Variants in MEX3B observed in about 807,000 individuals in gnomAD.
MEX3B encodes RNA-binding protein MEX3B.
MEX3B carries 10 observed loss-of-function variants against 12.2 expected under a neutral mutation model. The observed-to-expected ratio is 0.82, with a 90% CI of 0.51 to 1.40. The LOEUF is 1.40. MEX3B is among the 40% of genes most tolerant of loss of function. The probability of loss-of-function intolerance (pLI) is 0.00; values close to 1 mark genes in which losing one functional copy is unlikely to be tolerated. For missense variants in MEX3B, 839 were observed against 801.4 expected, an observed-to-expected ratio of 1.05 and a Z score of -0.57; for synonymous variants, 498 against 356.3, an observed-to-expected ratio of 1.40 and a Z score of -4.48.
Position 82,043,840 on chromosome 15 carries a change from C to A in MEX3B, c.1030G>T (p.Ala344Ser), listed in dbSNP as rs1444995567. The change falls in exon 2 of 2, where the codon GCG becomes TCG. Residue 344 changes from alanine to serine, a missense_variant. By Grantham distance (99) the Ala-to-Ser change is moderately conservative. Transcript: ENST00000329713. Reference sequence around the variant, plus strand: ...GATGGCACTGAGGCTTCTCCCCCCGCTGTGTAGGTGTACCCATTGCCGTTA... The same window carrying A: ...GATGGCACTGAGGCTTCTCCCCCCGATGTGTAGGTGTACCCATTGCCGTTA... ...NNNGNGYTYT[A>S]GGEASVPSPD... 6.3e-7 allele frequency: 1 copy of A among 1,592,588 alleles called. No individual in the cohort carries two copies. The highest frequency in any genetic ancestry group is 2.2e-5 in the East Asian group (1 of 44,708).
At position 82,044,635 on chromosome 15, in the gene MEX3B, A is replaced by G. The variant is rs1455086093; in HGVS notation, c.257-22T>C. 6.2e-7 allele frequency: 1 copy of G among 1,612,748 alleles called. No homozygotes were observed. ...CAACCTACGAACCAGGGTGCGGAGGAGGGAGTGGGAGAGAGAGACAGACAC... is the reference window on the plus strand; with the variant it reads ...CAACCTACGAACCAGGGTGCGGAGGGGGGAGTGGGAGAGAGAGACAGACAC... On this transcript the variant is annotated intron_variant, in intron 1 of 1. Transcript: ENST00000329713. The surrounding 1 kb of genome is among the most constrained non-coding windows in gnomAD (Gnocchi z 5.3).
rs776210416 is a variant in MEX3B, at chr15:82,043,443, T to C, written c.1427A>G (p.Asn476Ser). ...GGGLAYAAYA[N>S]GLGAQLPGLQ... ...GCCAGGCAGCTGTGCCCCCAGCCCG[T>C]TGGCATAAGCGGCGTAGGCCAGGCC... The change falls in exon 2 of 2, where the codon AAC becomes AGC. Residue 476 changes from asparagine to serine, a missense_variant. Around this residue, in one of 3 missense-constraint regions of MEX3B, gnomAD observed 573 missense variants for 488.9 expected, o/e 1.17. Coordinates refer to ENST00000329713, the MANE Select transcript of MEX3B (RefSeq NM_032246.6). The C allele has an allele frequency of 6.4e-6, 10 of 1,559,282 alleles. No individual in the cohort carries two copies. In the East Asian group the frequency reaches 7.2e-5, roughly 11 times the overall value.
chr15:82,044,213 C>T lies in MEX3B; in HGVS notation c.657G>A (p.Glu219=), dbSNP rs767809914. The T allele has an allele frequency of 2.2e-5, 35 of 1,613,998 alleles. No individual in the cohort carries two copies. The East Asian group carries it at 6.7e-4, about 31-fold the overall frequency. ...GMPENVDRAR[E]EIEAHIALRT... Reference sequence around the variant, plus strand: ...GCAGAGCAATGTGCGCCTCAATCTCCTCTCGAGCGCGATCCACGTTCTCTG... The same window carrying T: ...GCAGAGCAATGTGCGCCTCAATCTCTTCTCGAGCGCGATCCACGTTCTCTG... The change falls in exon 2 of 2, where the codon GAG becomes GAA. Residue 219 remains glutamate (E), a synonymous_variant. Coordinates refer to ENST00000329713, the MANE Select transcript of MEX3B (RefSeq NM_032246.6). This position sits in a 1 kb window ranked among gnomAD's most constrained non-coding sequence, Gnocchi z 5.3.
chr15:82,045,412 A>ACCACCCCCCC, intron 1 of MEX3B, 38 bp downstream of exon 1: 4 of 1,573,608 alleles, frequency 2.5e-6, no homozygotes, highest in South Asian at 1.1e-5. Context: ...GAGACCCTAC[A>ACCACCCCCCC]CCACCCCCAC....
Position 82,045,987 on chromosome 15 carries a change from C to T in MEX3B, c.-282G>A. ...TGGCCGCGCGTGCCCCCCGAGTGCC[C>T]GGCTGGCTGGCCGCAATGCCGAGCG... On this transcript the variant is annotated 5_prime_UTR_variant, in exon 1 of 2. Coordinates refer to ENST00000329713, the MANE Select transcript of MEX3B (RefSeq NM_032246.6). 2.8e-6 allele frequency: 1 copy of T among 359,340 alleles called. No homozygotes were observed. Among genetic ancestry groups the T allele is most frequent in the Non-Finnish European group, 5.0e-6 (1 of 201,974 alleles). The allele number at this position is 359,340 out of a possible 1,614,324, so 22.3% of individuals were successfully genotyped here. A position where few individuals can be genotyped will look rare whatever the true frequency, so the allele number is the denominator to read the frequency against.
rs2073247523 is a variant in MEX3B at position 82,044,974 on chromosome 15, G to A, written c.257-361C>T. On this transcript the variant is annotated intron_variant, in intron 1 of 1. Coordinates refer to ENST00000329713, the MANE Select transcript of MEX3B (RefSeq NM_032246.6). This position sits in a 1 kb window ranked among gnomAD's most constrained non-coding sequence, Gnocchi z 5.3. ...ACGGGGAAGGGGCTCGGGGAAGGCA[G>A]CTGAAGTCGCGATGCCTCAGCGCTG... The A allele has an allele frequency of 6.9e-6, 4 of 580,872 alleles. No homozygotes were observed. The highest frequency in any genetic ancestry group is 3.1e-5 in the Admixed American group (1 of 31,986). 36.0% of individuals were successfully genotyped at this position (580,872 alleles called of 1,614,324 possible).
In MEX3B at chr15:82,043,256, G is replaced by T; in HGVS notation, c.1614C>A (p.Phe538Leu). Residue 538 changes from phenylalanine (F) to leucine (L), a missense_variant, in exon 2 of 2, where the codon TTC becomes TTA. Phe to Leu is a conservative substitution (Grantham distance 22). Transcript: ENST00000329713. The stretch of plus-strand genomic sequence containing the variant: ...AGATGCGATTGGCGCACTCCATGCA[G>T]AAGAGGTTGTGGCCACAGGGCACCA... ...AALVPCGHNL[F>L]CMECANRICE... 1.2e-6 allele frequency: 2 copies of T among 1,610,574 alleles called. No individual in the cohort carries two copies. Among genetic ancestry groups the T allele is most frequent in the Non-Finnish European group, 1.7e-6 (2 of 1,178,148 alleles).
chr15:82,043,732 A>C lies in MEX3B; in HGVS notation c.1138T>G (p.Phe380Val). 3.8e-6 allele frequency: 6 copies of C among 1,576,180 alleles called. No individual in the cohort carries two copies. The highest frequency in any genetic ancestry group is 5.2e-6 in the Non-Finnish European group (6 of 1,163,470). Reference protein sequence around the residue: ...PPGAPLIWAQFERSPGGGPAA... With the variant: ...PPGAPLIWAQVERSPGGGPAA... The stretch of plus-strand genomic sequence containing the variant: ...GGTCCGCCTCCCGGGGACCGCTCGA[A>C]CTGGGCCCAGATAAGTGGTGCCCCA... Residue 380 changes from phenylalanine to valine, a missense_variant, in exon 2 of 2, where the codon TTC becomes GTC. Around this residue, in one of 3 missense-constraint regions of MEX3B, gnomAD observed 573 missense variants for 488.9 expected, o/e 1.17. Transcript: ENST00000329713.
rs769841602 is a variant in MEX3B, at chr15:82,043,803, C to T, written c.1067G>A (p.Cys356Tyr). ...GEASVPSPDGCPELQPTFDPA... is the reference protein window; with the variant it reads ...GEASVPSPDGYPELQPTFDPA... ...GTCAAAAGTGGGCTGCAGCTCGGGGCAGCCGTCGGGGGATGGCACTGAGGC... is the reference window on the plus strand; with the variant it reads ...GTCAAAAGTGGGCTGCAGCTCGGGGTAGCCGTCGGGGGATGGCACTGAGGC... Residue 356 changes from cysteine (C) to tyrosine (Y), a missense_variant, in exon 2 of 2, where the codon TGC (cysteine) becomes TAC (tyrosine). Around this residue, in one of 3 missense-constraint regions of MEX3B, gnomAD observed 573 missense variants for 488.9 expected, o/e 1.17. Transcript: ENST00000329713. 8.8e-6 allele frequency: 14 copies of T among 1,585,184 alleles called. No individual in the cohort carries two copies. The South Asian group carries it at 1.2e-4, about 13-fold the overall frequency.
rs575006425 is a variant in MEX3B, at chr15:82,043,042, C to T, written c.*118G>A. On this transcript the variant is annotated 3_prime_UTR_variant, in exon 2 of 2. Coordinates refer to ENST00000329713, the MANE Select transcript of MEX3B (RefSeq NM_032246.6). ...CTCGGATCTCAGAGTGTTGGTGGGG[C>T]CGGGAAGGAGAAGGGAGAGGGGGGG... is the stretch of plus-strand genomic sequence containing the variant. 4.9e-6 allele frequency: 4 copies of T among 816,512 alleles called. No homozygotes were observed. Among genetic ancestry groups the T allele is most frequent in the South Asian group, 6.7e-5 (2 of 29,882 alleles). The allele number at this position is 816,512 out of a possible 1,614,324, so 50.6% of individuals were successfully genotyped here.
chr15:82,044,621 C>A lies in MEX3B; in HGVS notation c.257-8G>T, dbSNP rs2073244862. On this transcript the variant is annotated splice_region_variant and splice_polypyrimidine_tract_variant and intron_variant, in intron 1 of 1. Transcript: ENST00000329713. The surrounding 1 kb of genome is among the most constrained non-coding windows in gnomAD (Gnocchi z 5.3). Reference sequence around the variant, plus strand: ...GCGCTTTGATTTTACAACCTACGAACCAGGGTGCGGAGGAGGGAGTGGGAG... The same window carrying A: ...GCGCTTTGATTTTACAACCTACGAAACAGGGTGCGGAGGAGGGAGTGGGAG... The A allele has an allele frequency of 1.2e-6, 2 of 1,613,954 alleles. No homozygotes were observed. Among genetic ancestry groups the A allele is most frequent in the Non-Finnish European group, 8.5e-7 (1 of 1,180,018 alleles).
At position 82,043,570 on chromosome 15, in the gene MEX3B, G is replaced by A. The variant is rs2073234301; in HGVS notation, c.1300C>T (p.Pro434Ser). 1.9e-6 allele frequency: 3 copies of A among 1,554,114 alleles called. No individual in the cohort carries two copies. Among genetic ancestry groups the A allele is most frequent in the East Asian group, 4.7e-5 (2 of 42,578 alleles). ...GACAGGCGCGGGCAGCTGGTGCCAGGGTGCAGCCGGCGGTGCACCAATAGC... is the reference window on the plus strand; with the variant it reads ...GACAGGCGCGGGCAGCTGGTGCCAGAGTGCAGCCGGCGGTGCACCAATAGC... ...LGLLVHRRLH[P>S]GTSCPRLSPP... The change falls in exon 2 of 2, where the codon CCT becomes TCT. Residue 434 changes from proline to serine, a missense_variant. Pro to Ser is a moderately conservative substitution (Grantham distance 74). Coordinates refer to ENST00000329713, the MANE Select transcript of MEX3B (RefSeq NM_032246.6).
In MEX3B at chr15:82,044,222, G is replaced by T; in HGVS notation, c.648C>A (p.Arg216=). The change falls in exon 2 of 2, where the codon CGC becomes CGA. Residue 216 remains arginine, a synonymous_variant. Coordinates refer to ENST00000329713, the MANE Select transcript of MEX3B (RefSeq NM_032246.6). This position sits in a 1 kb window ranked among gnomAD's most constrained non-coding sequence, Gnocchi z 5.3. ...TGTGCGCCTCAATCTCCTCTCGAGC[G>T]CGATCCACGTTCTCTGGCATGCCGG... ...EVTGMPENVD[R]AREEIEAHIA... is the part of the protein sequence containing the mutation. 6.2e-7 allele frequency: 1 copy of T among 1,614,070 alleles called. No homozygotes were observed. Among genetic ancestry groups the T allele is most frequent in the South Asian group, 1.1e-5 (1 of 91,086 alleles).
In MEX3B at chr15:82,043,032, G is replaced by A. The variant is rs2073229318; in HGVS notation, c.*128C>T. On this transcript the variant is annotated 3_prime_UTR_variant, in exon 2 of 2. Coordinates refer to ENST00000329713, the MANE Select transcript of MEX3B (RefSeq NM_032246.6). ...CCAAGCTCCTCTCGGATCTCAGAGT[G>A]TTGGTGGGGCCGGGAAGGAGAAGGG... is the stretch of plus-strand genomic sequence containing the variant. 2 of 713,756 alleles carry A rather than the reference G, an allele frequency of 2.8e-6. No homozygotes were observed. Among genetic ancestry groups the A allele is most frequent in the Non-Finnish European group, 4.0e-6 (2 of 494,384 alleles). The allele number at this position is 713,756 out of a possible 1,614,324, so 44.2% of individuals were successfully genotyped here. A position where few individuals can be genotyped will look rare whatever the true frequency, so the allele number is the denominator to read the frequency against.
Position 82,045,618 on chromosome 15 carries a change from C to G in MEX3B, c.88G>C (p.Asp30His). ...AGCGCGAGCTGCAGGGCTCTTTGGT[C>G]ATCCAGGGTCTCTCCCCCTCCGCTG... The part of the protein sequence containing the change: ...GSSGGGETLD[D>H]QRALQLALDQ... The change falls in exon 1 of 2, where the codon GAC becomes CAC. Residue 30 changes from aspartate (D) to histidine (H), a missense_variant. Transcript: ENST00000329713. The G allele has an allele frequency of 6.2e-7, 1 of 1,603,088 alleles. No homozygotes were observed.
Position 82,043,850 on chromosome 15 carries a change from G to A in MEX3B, c.1020C>T (p.Tyr340=), listed in dbSNP as rs756675036. 2 of 1,593,382 alleles carry A rather than the reference G, an allele frequency of 1.3e-6. No individual in the cohort carries two copies. Among genetic ancestry groups the A allele is most frequent in the Non-Finnish European group, 1.7e-6 (2 of 1,170,142 alleles). Residue 340 remains tyrosine, a synonymous_variant, in exon 2 of 2, where the codon TAC becomes TAT. Coordinates refer to ENST00000329713, the MANE Select transcript of MEX3B (RefSeq NM_032246.6). The stretch of plus-strand genomic sequence containing the variant: ...AGGCTTCTCCCCCCGCTGTGTAGGT[G>A]TACCCATTGCCGTTATTGTTATTGT... ...NGNNNNNGNG[Y]TYTAGGEASV...
In MEX3B at chr15:82,045,819, T is replaced by G. The variant is rs889587657; in HGVS notation, c.-114A>C. ...AGGGGCGGGGAGGCCGGTCGCCTGC[T>G]GAGGGCTCCGTTGCTTCTTCCTCGG... is the stretch of plus-strand genomic sequence containing the variant. On this transcript the variant is annotated 5_prime_UTR_variant, in exon 1 of 2. Transcript: ENST00000329713. 6 of 1,167,582 alleles carry G rather than the reference T, an allele frequency of 5.1e-6. No individual in the cohort carries two copies. In the African/African-American group the frequency reaches 8.1e-5, roughly 16 times the overall value. The allele number at this position is 1,167,582 out of a possible 1,614,324, so 72.3% of individuals were successfully genotyped here.
Position 82,045,319 on chromosome 15 carries a change from C to A in MEX3B, c.256+131G>T, listed in dbSNP as rs749519893. On this transcript the variant is annotated intron_variant, in intron 1 of 1. Coordinates refer to ENST00000329713, the MANE Select transcript of MEX3B (RefSeq NM_032246.6). ...TTCTTTGTCTGGGGCGCCGGCCCATCGCGCGGCTCTTCCTCTCTCCCCAAG... is the reference window on the plus strand; with the variant it reads ...TTCTTTGTCTGGGGCGCCGGCCCATAGCGCGGCTCTTCCTCTCTCCCCAAG... The A allele has an allele frequency of 3.3e-5, 38 of 1,139,028 alleles. No individual in the cohort carries two copies. In the Middle Eastern group the frequency reaches 5.8e-4, roughly 17 times the overall value. 70.6% of individuals were successfully genotyped at this position (1,139,028 alleles called of 1,614,324 possible). A position where few individuals can be genotyped will look rare whatever the true frequency, so the allele number is the denominator to read the frequency against.
At position 82,043,214 on chromosome 15, in the gene MEX3B, G is replaced by A. The variant is rs773435928; in HGVS notation, c.1656C>T (p.Pro552=). 1.3e-5 allele frequency: 20 copies of A among 1,571,716 alleles called. No individual in the cohort carries two copies. The South Asian group carries it at 2.3e-4, about 18-fold the overall frequency. The change falls in exon 2 of 2, where the codon CCC becomes CCT. Residue 552 remains proline, a synonymous_variant. Transcript: ENST00000329713. ...CCGCGGTGTGGCAGACCGGGCACTC[G>A]GGCTCGCTCTTCTCACAGATGCGAT... is the stretch of plus-strand genomic sequence containing the variant. ...CANRICEKSE[P]ECPVCHTAVT... is the part of the protein sequence containing the mutation.
Sources: allele counts gnomAD v4.1 joint callset, GRCh38; gene constraint gnomAD v4.1.1; regional missense constraint gnomAD v4.1.1; non-coding constraint Gnocchi (gnomAD v3.1); transcripts MANE v1.5; gene names NCBI Gene and HGNC (gene_info 2026-07-23, HGNC 2026-07-21).